CETP: variants seen among roughly 807,000 people sequenced by gnomAD.
The protein encoded by CETP is BPI fold containing family F.
In CETP, 56 loss-of-function variants were observed where a neutral mutation model predicts 66.5. The ratio of observed to expected loss-of-function variants is 0.84; its 90% CI spans 0.68 to 1.05. The LOEUF is 1.05. CETP is among the 50% of genes least tolerant of loss of function. The pLI is 0.00. For missense variants in CETP, 612 were observed against 609.6 expected, an observed-to-expected ratio of 1.00 and a Z score of -0.04; for synonymous variants, 251 against 245.7, an observed-to-expected ratio of 1.02 and a Z score of -0.20.
chr16:56,968,195 T>A, intron 2 of CETP, among the ~76,000 whole-genome samples: 1 of 148,618 alleles, frequency 6.7e-6, no homozygotes, highest in African/African-American at 2.5e-5. Flanking sequence ...TGTCAATCTA[T>A]TTTTTTTTTG....
chr16:56,979,696 G>A (rs1288609966), intron 11 of CETP, among the ~76,000 whole-genome samples: 7 of 152,002 alleles, frequency 4.6e-5, no homozygotes, highest in African/African-American at 7.2e-5. Flanking sequence ...TAGTAGAGGC[G>A]GGGTTTCACC....
At chr16:56,975,356 G>A (rs1242034868) in intron 10 of CETP, among the ~76,000 whole-genome samples, 3 of 152,176 alleles carry the variant, frequency 2.0e-5, no homozygotes, top group Non-Finnish European at 4.4e-5. Flanking sequence ...TGAGTGGGGC[G>A]GTCAAACTGT....
intron 1 of CETP, among the ~76,000 whole-genome samples, chr16:56,962,564 T>G (rs777461645): frequency 6.6e-6 from 1 of 152,134 alleles, no homozygotes; most frequent in Non-Finnish European, 1.5e-5. Flanking sequence ...TCTCTGGGCC[T>G]CAGTCTCTTG....
intron 7 of CETP, among the ~76,000 whole-genome samples, chr16:56,971,667 A>G (rs2056111325): frequency 6.6e-6 from 1 of 152,200 alleles, no homozygotes; most frequent in Non-Finnish European, 1.5e-5. Flanking sequence ...AGATTAGGAA[A>G]AAAGATAATT....
At chr16:56,962,247 G>A (rs550849686) in intron 1 of CETP, 150 bp downstream of exon 1, 17 of 763,358 alleles carry the variant, frequency 2.2e-5, no homozygotes, top group Middle Eastern at 2.3e-4. Flanking sequence ...TGGGCTGAGT[G>A]GAGCTGTCAT....
At position 56,971,348 on chromosome 16, in the gene CETP, A is replaced by G; in HGVS notation, c.625A>G (p.Asn209Asp). Residue 209 changes from asparagine (N) to aspartate (D), a missense_variant, in exon 7 of 16, where the codon AAC (asparagine) becomes GAC (aspartate). By Grantham distance (23) the Asn-to-Asp change is conservative (BLOSUM62 1). Coordinates refer to ENST00000200676, the MANE Select transcript of CETP (RefSeq NM_000078.3). Reference protein sequence around the residue: ...QICKEINVISNIMADFVQTRA... With the variant: ...QICKEINVISDIMADFVQTRA... ...CTGCAAAGAGATCAACGTCATCTCTAACATCATGGCCGATTTTGTCCAGAC... is the reference window on the plus strand; with the variant it reads ...CTGCAAAGAGATCAACGTCATCTCTGACATCATGGCCGATTTTGTCCAGAC... The G allele has an allele frequency of 6.2e-7, 1 of 1,614,090 alleles. No homozygotes were observed. The highest frequency in any genetic ancestry group is 8.5e-7 in the Non-Finnish European group (1 of 1,180,012).
chr16:56,972,805 C>G (rs2056121853), intron 8 of CETP, among the ~76,000 whole-genome samples: 1 of 152,154 alleles, frequency 6.6e-6, no homozygotes, highest in Admixed American at 6.5e-5. Context: ...TAGGGCGGAC[C>G]CAGCCATCTT....
intron 4 of CETP, 111 bp from the exon 5 acceptor site, chr16:56,969,803 T>C (rs1371055198): frequency 2.6e-6 from 4 of 1,542,956 alleles, no homozygotes; most frequent in Admixed American, 3.6e-5. Flanking sequence ...CCTGGGAAGT[T>C]TGCAGGGGTG....
chr16:56,978,489 A>T (rs1567475033), intron 11 of CETP, among the ~76,000 whole-genome samples: 3 of 151,456 alleles, frequency 2.0e-5, no homozygotes, highest in African/African-American at 7.3e-5. Context: ...TCTTATTTTT[A>T]TTTTTTTTAG....
chr16:56,981,600 GA>G, intron 12 of CETP, 46 bp from the exon 13 acceptor site: 1 of 1,604,916 alleles, frequency 6.2e-7, no homozygotes, highest in Non-Finnish European at 8.5e-7. Flanking sequence ...GATGTTACAG[GA>G]GGGGGCCCAA....
Position 56,982,028 on chromosome 16 carries a change from A to G in CETP, c.1249-137A>G, listed in dbSNP as rs954688957. The G allele has an allele frequency of 7.2e-6, 6 of 829,864 alleles. No homozygotes were observed. The African/African-American group carries it at 8.3e-5, about 11-fold the overall frequency. 51.4% of individuals were successfully genotyped at this position (829,864 alleles called of 1,614,324 possible). ...ACTCAGGAAGGGCACCGTCTGGGGC[A>G]GGAAAACGGAGTGGGTTGGATGTAT... is the stretch of plus-strand genomic sequence containing the variant. On this transcript the variant is annotated intron_variant, in intron 13 of 15. Transcript: ENST00000200676.
chr16:56,982,380 C>T lies in CETP; in HGVS notation c.1321+143C>T, dbSNP rs111379440. 9.6e-5 allele frequency: 77 copies of T among 805,192 alleles called. 1 individual carries two copies. Among genetic ancestry groups the T allele is most frequent in the Non-Finnish European group, 1.6e-4 (72 of 464,286 alleles). The allele number at this position is 805,192 out of a possible 1,614,324, so 49.9% of individuals were successfully genotyped here. A position where few individuals can be genotyped will look rare whatever the true frequency, so the allele number is the denominator to read the frequency against. ...GCGGTCCTGGCCCCCTTTCCTCTCC[C>T]TGCTGGTGGTATTGCACGCCAATGA... On this transcript the variant is annotated intron_variant, in intron 14 of 15. Coordinates refer to ENST00000200676, the MANE Select transcript of CETP (RefSeq NM_000078.3).
At chr16:56,966,875 A>G (rs1055333734) in intron 2 of CETP, among the ~76,000 whole-genome samples, 4 of 150,892 alleles carry the variant, frequency 2.7e-5, no homozygotes, top group Admixed American at 1.3e-4. Context: ...TCGGCCTTCC[A>G]AAGTGCTGGG....
At chr16:56,974,967 ATGT>A (rs2056139153) in intron 9 of CETP, 131 bp from the exon 10 acceptor site, 2 of 769,982 alleles carry the variant, frequency 2.6e-6, no homozygotes, top group Admixed American at 1.9e-5. Context: ...AGCATCTCAC[ATGT>A]TGTCTGGGAG....
At chr16:56,970,956 G>A (rs548432913) in intron 5 of CETP, 77 bp from the exon 6 acceptor site, 4 of 1,333,382 alleles carry the variant, frequency 3.0e-6, no homozygotes, top group Non-Finnish European at 4.3e-6. Flanking sequence ...AGCCATGAAC[G>A]GTGCCTGGTA....
rs749287784 is a variant in CETP at position 56,963,151 on chromosome 16, G to A, written c.233+27G>A. The A allele has an allele frequency of 1.9e-6, 3 of 1,589,018 alleles. 1 individual carries two copies. In the Admixed American group the frequency reaches 5.0e-5, roughly 27 times the overall value. ...TGAGTCGGGCCTCGGGTGTGACCAG[G>A]CTGGGGGTAGGGAGGCGGGAGGAAC... On this transcript the variant is annotated intron_variant, in intron 2 of 15. Coordinates refer to ENST00000200676, the MANE Select transcript of CETP (RefSeq NM_000078.3).
chr16:56,962,041 G>A lies in CETP; in HGVS notation c.62G>A (p.Gly21Asp), dbSNP rs1282799611. ...GGCAATGCCCATGCCTGCTCCAAAG[G>A]CACCTCGCACGAGGCAGGCATCGTG... is the stretch of plus-strand genomic sequence containing the variant. ...LLGNAHACSK[G>D]TSHEAGIVCR... Residue 21 changes from glycine to aspartate, a missense_variant, in exon 1 of 16, where the codon GGC (glycine) becomes GAC (aspartate). Coordinates refer to ENST00000200676, the MANE Select transcript of CETP (RefSeq NM_000078.3). 1.9e-6 allele frequency: 3 copies of A among 1,614,100 alleles called. No individual in the cohort carries two copies. The highest frequency in any genetic ancestry group is 2.5e-6 in the Non-Finnish European group (3 of 1,180,030).
chr16:56,982,144 C>T (rs2056192781), intron 13 of CETP, 21 bp from the exon 14 acceptor site: 1 of 1,613,122 alleles, frequency 6.2e-7, no homozygotes, highest in Non-Finnish European at 8.5e-7. Context: ...GGAGGACTCA[C>T]CATGGGCATT....
chr16:56,981,103 G>A, intron 11 of CETP, 55 bp from the exon 12 acceptor site: 1 of 1,311,530 alleles, frequency 7.6e-7, no homozygotes, highest in Non-Finnish European at 1.1e-6. Flanking sequence ...TAGGAGGGTT[G>A]CTCTCTGCTT....
Sources: gnomAD v4.1 joint callset for allele counts (sites outside exome capture counted in the v4.1 genomes callset) on GRCh38, gnomAD v4.1.1 for gene constraint, MANE v1.5 for transcripts, NCBI Gene and HGNC (gene_info 2026-07-23, HGNC 2026-07-21) for gene names.